Variants in HYDIN observed in about 807,000 individuals in gnomAD.
The protein encoded by HYDIN is HYDIN axonemal central pair apparatus protein.
In HYDIN, 132 loss-of-function variants were observed where a neutral mutation model predicts 403.9. That is an observed-to-expected ratio of 0.33 (90% CI 0.28 to 0.38). HYDIN has a LOEUF of 0.38. Ranked by LOEUF, HYDIN falls within the 10% of genes least tolerant of loss-of-function variation. HYDIN has a pLI of 1.00. For synonymous variants in HYDIN, 1,202 were observed against 1,891.7 expected, an observed-to-expected ratio of 0.64 and a Z score of 9.46; for missense variants, 2,827 against 5,009.5, an observed-to-expected ratio of 0.56 and a Z score of 13.15.
chr16:70,931,210 G>GTTTT (rs71387550), intron 45 of HYDIN, among the ~76,000 whole-genome samples: 1,033 of 59,374 alleles, frequency 0.017, 52 homozygotes, highest in African/African-American at 0.045. Flanking sequence ...TCTTTCTTCT[G>GTTTT]TTTTTTTTTT....
chr16:71,112,750 T>C (rs1465060419), intron 10 of HYDIN, among the ~76,000 whole-genome samples: 1 of 151,940 alleles, frequency 6.6e-6, no homozygotes, highest in Non-Finnish European at 1.5e-5. Context: ...ATAATGATTA[T>C]GTAAAAATGG....
At chr16:71,207,930 T>C (rs1251809629) in intron 1 of HYDIN, among the ~76,000 whole-genome samples, 1 of 152,172 alleles carries the variant, frequency 6.6e-6, no homozygotes, top group Non-Finnish European at 1.5e-5. Flanking sequence ...AAGCAAGTTT[T>C]TAGAGATCTA....
intron 8 of HYDIN, among the ~76,000 whole-genome samples, chr16:71,135,913 G>A (rs1314361806): frequency 6.6e-6 from 1 of 150,414 alleles, no homozygotes; most frequent in Non-Finnish European, 1.5e-5. Context: ...TTCAATTAGG[G>A]ACTGCACACT....
chr16:71,103,940 TTC>T (rs2083533198), intron 10 of HYDIN, among the ~76,000 whole-genome samples: 1 of 152,206 alleles, frequency 6.6e-6, no homozygotes, highest in African/African-American at 2.4e-5. Flanking sequence ...GGTCTTTAAT[TTC>T]TCTCATTAAT....
At chr16:70,976,767 G>C (rs1022380708) in intron 30 of HYDIN, among the ~76,000 whole-genome samples, 7 of 152,124 alleles carry the variant, frequency 4.6e-5, no homozygotes, top group Admixed American at 1.3e-4. Context: ...GGGAATATTA[G>C]GAAAAAAGGT....
intron 47 of HYDIN, 48 bp from the exon 48 acceptor site, chr16:70,908,909 C>T (rs758186325): frequency 6.2e-7 from 1 of 1,603,592 alleles, no homozygotes; most frequent in Non-Finnish European, 8.5e-7. Flanking sequence ...TTTTTGTACA[C>T]ACAAACAGAA....
intron 46 of HYDIN, among the ~76,000 whole-genome samples, chr16:70,920,337 T>TA (rs1402233675): frequency 7.3e-6 from 1 of 137,406 alleles, no homozygotes; most frequent in Non-Finnish European, 1.6e-5. Context: ...TTATCAATAT[T>TA]AAAAACCAAC....
intron 9 of HYDIN, among the ~76,000 whole-genome samples, chr16:71,119,869 G>T (rs1476089): frequency 6.6e-6 from 1 of 150,526 alleles, no homozygotes; most frequent in African/African-American, 2.4e-5. Context: ...CCAGTTTCAC[G>T]TCTTTGAAAG....
At chr16:71,196,330 G>A (rs2087696167) in intron 1 of HYDIN, among the ~76,000 whole-genome samples, 1 of 152,160 alleles carries the variant, frequency 6.6e-6, no homozygotes, top group African/African-American at 2.4e-5. Flanking sequence ...CAATATGAGT[G>A]AGCAGCATCC....
chr16:71,019,383 T>C (rs376550013), intron 22 of HYDIN, among the ~76,000 whole-genome samples: 1,618 of 152,208 alleles, frequency 0.011, 5 homozygotes, highest in African/African-American at 0.037. Flanking sequence ...ATGACATGAT[T>C]AGATGGTTTC....
In HYDIN at chr16:70,991,051, A is replaced by C. The variant is rs114380323; in HGVS notation, c.3864+267T>G. 9.5e-3 allele frequency among the ~76,000 whole-genome samples: 1,453 copies of C among 152,338 alleles called. 29 individuals carry two copies. Among genetic ancestry groups the C allele is most frequent in the African/African-American group, 0.033 (1,358 of 41,574 alleles). ...GGAGAATTTAAGGGTATTAATTTTTAAGCCCCCTTTGTTTTTGCTACAGAA... is the reference window on the plus strand; with the variant it reads ...GGAGAATTTAAGGGTATTAATTTTTCAGCCCCCTTTGTTTTTGCTACAGAA... On this transcript the variant is annotated intron_variant, in intron 25 of 85. Coordinates refer to ENST00000393567, the MANE Select transcript of HYDIN (RefSeq NM_001270974.2).
chr16:71,173,176 T>C (rs974228636), intron 5 of HYDIN, among the ~76,000 whole-genome samples: 10 of 152,236 alleles, frequency 6.6e-5, no homozygotes, highest in African/African-American at 1.9e-4. Flanking sequence ...GTCTCCAAAA[T>C]TGGACAGCTG....
At position 70,802,498 on chromosome 16, in the gene HYDIN, G is replaced by C. The variant is rs2034925302; in HGVS notation, c.*5082C>G. On this transcript the variant is annotated 3_prime_UTR_variant, in exon 86 of 86. Transcript: ENST00000393567. ...GAGAGACTCTCCTGTAAGGAGTTTA[G>C]TCATATGGCCACAAAGGAATGAATT... 6.6e-6 allele frequency: 1 copy of C among 152,216 alleles called. No individual in the cohort carries two copies. Among genetic ancestry groups the C allele is most frequent in the South Asian group, 2.1e-4 (1 of 4,836 alleles). 9.4% of individuals were successfully genotyped at this position (152,216 alleles called of 1,614,324 possible). A position where few individuals can be genotyped will look rare whatever the true frequency, so the allele number is the denominator to read the frequency against.
At chr16:71,172,384 A>G (rs1161636356) in intron 5 of HYDIN, among the ~76,000 whole-genome samples, 1 of 152,238 alleles carries the variant, frequency 6.6e-6, no homozygotes, top group African/African-American at 2.4e-5. Context: ...TGGTAAAGAT[A>G]CAAATTTAAG....
intron 5 of HYDIN, among the ~76,000 whole-genome samples, chr16:71,170,070 C>T (rs1188918274): frequency 1.3e-5 from 2 of 152,164 alleles, no homozygotes; most frequent in East Asian, 3.9e-4. Context: ...TCAGCCTATT[C>T]TCTACTTGGT....
intron 77 of HYDIN, among the ~76,000 whole-genome samples, chr16:70,836,416 T>C (rs918233443): frequency 2.0e-5 from 3 of 152,172 alleles, no homozygotes; most frequent in Non-Finnish European, 4.4e-5. Flanking sequence ...CAGTGAAGTA[T>C]GGAGTGTTTG....
At chr16:70,944,488 T>C (rs1401766502) in intron 41 of HYDIN, among the ~76,000 whole-genome samples, 2 of 152,016 alleles carry the variant, frequency 1.3e-5, no homozygotes, top group Non-Finnish European at 2.9e-5. Context: ...GACAAGATCT[T>C]GGGAGCAGAG....
intron 22 of HYDIN, among the ~76,000 whole-genome samples, chr16:71,019,948 G>A (rs1597563919): frequency 1.3e-5 from 2 of 152,260 alleles, no homozygotes; most frequent in African/African-American, 4.8e-5. Context: ...CCAAATCCTG[G>A]TTCTGCCACT....
At chr16:71,028,246 T>C (rs980572419) in intron 19 of HYDIN, among the ~76,000 whole-genome samples, 1 of 152,070 alleles carries the variant, frequency 6.6e-6, no homozygotes, top group Non-Finnish European at 1.5e-5. Flanking sequence ...CTGAGAAAAT[T>C]ACTAGTGACT....
Sources: gnomAD v4.1 joint callset for allele counts (sites outside exome capture counted in the v4.1 genomes callset) on GRCh38, gnomAD v4.1.1 for gene constraint, MANE v1.5 for transcripts, NCBI Gene and HGNC (gene_info 2026-07-23, HGNC 2026-07-21) for gene names.